FN3K: variants seen among roughly 807,000 people sequenced by gnomAD.
FN3K encodes fructosamine 3 kinase, also known as fructosamine-3-kinase.
In FN3K, 24 loss-of-function variants were observed where a neutral mutation model predicts 24.8. That is an observed-to-expected ratio of 0.97 (90% CI 0.70 to 1.36). The LOEUF (loss-of-function observed/expected upper bound fraction) is 1.36. Among genes scored for constraint, FN3K ranks in the 40% most tolerant of loss-of-function variants. The pLI, the probability that FN3K is intolerant of heterozygous loss-of-function variation, is 0.00. For synonymous variants in FN3K, 192 were observed against 175.2 expected (o/e 1.10, Z -0.76); for missense variants, 449 against 416.7 (o/e 1.08, Z -0.67).
At chr17:82,738,886 T>C (rs1224158235) in intron 2 of FN3K, among the ~76,000 whole-genome samples, 1 of 130,072 alleles carries the variant, frequency 7.7e-6, no homozygotes, top group Non-Finnish European at 1.6e-5. Context: ...CTAGATAAGT[T>C]TGGCTGTAAT....
Position 82,750,997 on chromosome 17 carries a change from ATCCCCGTCCCCCATCTCCG to A in FN3K, c.*255_*273del. On this transcript the variant is annotated 3_prime_UTR_variant, in exon 6 of 6. Transcript: ENST00000300784. ...CCAATCCCCCTGTCCCCGACCCCCCATCCCCGTCCCCCATCTCCGTCCCCGTCCCCCCTGCCCCGTCCCC... is the reference window on the plus strand; with the variant it reads ...CCAATCCCCCTGTCCCCGACCCCCCATCCCCGTCCCCCCTGCCCCGTCCCC... 2.8e-5 allele frequency: 2 copies of A among 71,770 alleles called. No homozygotes were observed. The highest frequency in any genetic ancestry group is 7.8e-5 in the South Asian group (1 of 12,752). 4.4% of individuals were successfully genotyped at this position (71,770 alleles called of 1,614,324 possible).
Position 82,750,700 on chromosome 17 carries a change from T to A in FN3K, c.875T>A (p.Phe292Tyr), listed in dbSNP as rs775876131. The change falls in exon 6 of 6, where the codon TTC becomes TAC. Residue 292 changes from phenylalanine to tyrosine, a missense_variant. By Grantham distance (22) the Phe-to-Tyr change is conservative (BLOSUM62 3). Transcript: ENST00000300784. ...AACTACCTGAACCACTGGAACCACT[T>A]CGGGCGGGAGTACAGGAGCCCTTCC... ...LFNYLNHWNH[F>Y]GREYRSPSLG... 1 of 1,613,630 alleles carries A rather than the reference T, an allele frequency of 6.2e-7. No homozygotes were observed. The highest frequency in any genetic ancestry group is 1.7e-5 in the Admixed American group (1 of 60,004).
intron 4 of FN3K, 133 bp downstream of exon 4, chr17:82,741,526 G>A: frequency 4.7e-6 from 4 of 845,042 alleles, no homozygotes; most frequent in Non-Finnish European, 7.6e-6. Flanking sequence ...TAGAAGCTGT[G>A]ATACCTGGAA....
intron 4 of FN3K, 98 bp downstream of exon 4, chr17:82,741,491 G>A: frequency 8.9e-7 from 1 of 1,124,082 alleles, no homozygotes; most frequent in South Asian, 1.3e-5. Context: ...CAGCAAGATT[G>A]ACTACTTGAT....
chr17:82,746,851 G>A (rs191356068), intron 4 of FN3K, among the ~76,000 whole-genome samples: 1 of 151,938 alleles, frequency 6.6e-6, no homozygotes, highest in African/African-American at 2.4e-5. Flanking sequence ...TTGAGATGGA[G>A]TTTCACTCTG....
intron 2 of FN3K, 61 bp downstream of exon 2, chr17:82,738,701 AACAGAGAGAG>A: frequency 6.3e-7 from 1 of 1,597,050 alleles, no homozygotes. Context: ...CTCAGAGACA[AACAGAGAGAG>A]ACAGAGAAAG....
In FN3K at chr17:82,750,705, C is replaced by G. The variant is rs762315245; in HGVS notation, c.880C>G (p.Arg294Gly). The change falls in exon 6 of 6, where the codon CGG becomes GGG. Residue 294 changes from arginine to glycine, a missense_variant. Arg to Gly is a moderately radical substitution (Grantham distance 125, BLOSUM62 -2). Transcript: ENST00000300784. Reference protein sequence around the residue: ...NYLNHWNHFGREYRSPSLGTM... With the variant: ...NYLNHWNHFGGEYRSPSLGTM... The stretch of plus-strand genomic sequence containing the variant: ...CCTGAACCACTGGAACCACTTCGGG[C>G]GGGAGTACAGGAGCCCTTCCTTGGG... 1.9e-6 allele frequency: 3 copies of G among 1,613,700 alleles called. No individual in the cohort carries two copies. The highest frequency in any genetic ancestry group is 2.5e-6 in the Non-Finnish European group (3 of 1,179,978).
chr17:82,737,200 G>C (rs550761420), intron 1 of FN3K, among the ~76,000 whole-genome samples: 1 of 152,196 alleles, frequency 6.6e-6, no homozygotes, highest in African/African-American at 2.4e-5. Flanking sequence ...CGTTCTGTTC[G>C]TGTGCACCAG....
chr17:82,745,522 A>G (rs1307007696), intron 4 of FN3K: 1 of 152,336 alleles, frequency 6.6e-6, no homozygotes, highest in African/African-American at 2.4e-5. Flanking sequence ...AATCATGCTG[A>G]TATTTATCCA....
At chr17:82,746,581 A>G (rs956181313) in intron 4 of FN3K, among the ~76,000 whole-genome samples, 17 of 152,004 alleles carry the variant, frequency 1.1e-4, no homozygotes, top group African/African-American at 2.9e-4. Context: ...TGGGCAGATC[A>G]CTTGAGGTCA....
At position 82,748,948 on chromosome 17, in the gene FN3K, G is replaced by A; in HGVS notation, c.562G>A (p.Glu188Lys). ...CATTGAGAAGGACTATGCTGACCGA[G>A]AGGCACGAGAACTCTGGTCCCGGCT... ...DLIEKDYADR[E>K]ARELWSRLQV... Residue 188 changes from glutamate (E) to lysine (K), a missense_variant, in exon 5 of 6, where the codon GAG becomes AAG. By Grantham distance (56) the Glu-to-Lys change is moderately conservative (BLOSUM62 1). Coordinates refer to ENST00000300784, the MANE Select transcript of FN3K (RefSeq NM_022158.4). The A allele has an allele frequency of 6.2e-7, 1 of 1,614,222 alleles. No homozygotes were observed. Among genetic ancestry groups the A allele is most frequent in the Non-Finnish European group, 8.5e-7 (1 of 1,180,044 alleles).
Position 82,738,486 on chromosome 17 carries a change from C to G in FN3K, c.142-3C>G. Reference sequence around the variant, plus strand: ...GGCTGACAAGGCTGTGTTCTGGATGCAGGCCCGGCAGATGTTTGAGGGGGA... The same window carrying G: ...GGCTGACAAGGCTGTGTTCTGGATGGAGGCCCGGCAGATGTTTGAGGGGGA... On this transcript the variant is annotated splice_polypyrimidine_tract_variant and splice_region_variant and intron_variant, in intron 1 of 5. Transcript: ENST00000300784. 6.2e-7 allele frequency: 1 copy of G among 1,611,960 alleles called. No homozygotes were observed. Among genetic ancestry groups the G allele is most frequent in the South Asian group, 1.1e-5 (1 of 91,000 alleles).
intron 2 of FN3K, among the ~76,000 whole-genome samples, chr17:82,739,786 C>T (rs186438509): frequency 4.6e-5 from 7 of 152,252 alleles, no homozygotes; most frequent in South Asian, 2.1e-4. Flanking sequence ...AGCATGTTAG[C>T]CAGACTGGTC....
intron 2 of FN3K, among the ~76,000 whole-genome samples, chr17:82,738,995 T>G (rs1208622655): frequency 2.0e-5 from 3 of 147,776 alleles, no homozygotes; most frequent in Non-Finnish European, 4.5e-5. Flanking sequence ...CAGGCTAGAG[T>G]GCAGTGCAGT....
At chr17:82,741,236 A>C in intron 3 of FN3K, 75 bp from the exon 4 acceptor site, 1 of 1,344,108 alleles carries the variant, frequency 7.4e-7, no homozygotes, top group Non-Finnish European at 1.1e-6. Context: ...CCAGGCTTGT[A>C]CTGATGCTCT....
chr17:82,750,983 GTCCCCGACCCCCCA>G lies in FN3K; in HGVS notation c.*235_*248del. The G allele has an allele frequency of 7.1e-6, 1 of 140,882 alleles. No homozygotes were observed. The highest frequency in any genetic ancestry group is 1.2e-5 in the Non-Finnish European group (1 of 80,510). 8.7% of individuals were successfully genotyped at this position (140,882 alleles called of 1,614,324 possible). A position where few individuals can be genotyped will look rare whatever the true frequency, so the allele number is the denominator to read the frequency against. ...CCCCTGTCCACATACCAATCCCCCT[GTCCCCGACCCCCCA>G]TCCCCGTCCCCCATCTCCGTCCCCG... On this transcript the variant is annotated 3_prime_UTR_variant, in exon 6 of 6. Transcript: ENST00000300784.
At chr17:82,749,032 G>GC (rs2046985262) in intron 5 of FN3K, 55 bp downstream of exon 5, 1 of 1,611,192 alleles carries the variant, frequency 6.2e-7, no homozygotes, top group Non-Finnish European at 8.5e-7. Flanking sequence ...TGATCCCGCC[G>GC]CATTTGTGCG....
chr17:82,741,439 AC>A (rs2046941016), intron 4 of FN3K, 46 bp downstream of exon 4: 2 of 1,519,774 alleles, frequency 1.3e-6, no homozygotes, highest in Non-Finnish European at 1.8e-6. Flanking sequence ...AATGCTGGTC[AC>A]CCACTCTTTA....
At chr17:82,747,583 T>C (rs1395523692) in intron 4 of FN3K, among the ~76,000 whole-genome samples, 1 of 152,164 alleles carries the variant, frequency 6.6e-6, no homozygotes, top group African/African-American at 2.4e-5. Context: ...GTATTTTTAG[T>C]AGAAATGGGG....
Sources: gnomAD v4.1 joint callset for allele counts (sites outside exome capture counted in the v4.1 genomes callset) on GRCh38, gnomAD v4.1.1 for gene constraint, MANE v1.5 for transcripts, NCBI Gene and HGNC (gene_info 2026-07-23, HGNC 2026-07-21) for gene names.